PCDH15: variants seen among roughly 807,000 people sequenced by gnomAD.
The protein encoded by PCDH15 is protocadherin related 15, also known as protocadherin-15.
PCDH15 carries 129 observed loss-of-function variants against 178.5 expected under a neutral mutation model. The ratio of observed to expected loss-of-function variants is 0.72; its 90% confidence interval spans 0.63 to 0.84. The LOEUF is 0.84. Ranked by LOEUF, PCDH15 falls within the 40% of genes least tolerant of loss-of-function variation. PCDH15 has a pLI of 0.00. For synonymous variants in PCDH15, 800 were observed against 732.0 expected (o/e 1.09, Z -1.50); for missense variants, 2,230 against 2,099.9 (o/e 1.06, Z -1.21).
intron 2 of PCDH15, among the ~76,000 whole-genome samples, chr10:55,400,408 C>T (rs930551222): frequency 6.6e-6 from 1 of 152,114 alleles, no homozygotes; most frequent in East Asian, 1.9e-4. Flanking sequence ...GATTGTTTAT[C>T]ACACCACGTA....
At chr10:55,542,385 G>C (rs1481185612) in intron 2 of PCDH15, among the ~76,000 whole-genome samples, 1 of 150,520 alleles carries the variant, frequency 6.6e-6, no homozygotes, top group African/African-American at 2.4e-5. Context: ...TCTATATATA[G>C]TGTGTACATG....
At chr10:55,103,503 G>A (rs1842617363) in intron 2 of PCDH15, among the ~76,000 whole-genome samples, 1 of 152,000 alleles carries the variant, frequency 6.6e-6, no homozygotes, top group South Asian at 2.1e-4. Context: ...TTTCTTGATT[G>A]GTTTTGTTGT....
chr10:54,479,527 TATA>T (rs2078547602), intron 3 of PCDH15, among the ~76,000 whole-genome samples: 1 of 151,992 alleles, frequency 6.6e-6, no homozygotes, highest in Admixed American at 6.6e-5. Flanking sequence ...TTATCTCAAT[TATA>T]ATAACTTTTA....
intron 2 of PCDH15, among the ~76,000 whole-genome samples, chr10:55,514,965 A>G (rs1381106342): frequency 1.3e-5 from 2 of 149,520 alleles, no homozygotes; most frequent in East Asian, 2.0e-4. Flanking sequence ...GGCAAAATAT[A>G]TATAGATAGA....
chr10:54,548,652 A>AAT (rs1251254553), intron 2 of PCDH15, among the ~76,000 whole-genome samples: 8 of 147,314 alleles, frequency 5.4e-5, no homozygotes, highest in Non-Finnish European at 7.4e-5. Flanking sequence ...TACTTATATA[A>AAT]ATATATATAC....
At chr10:54,140,125 G>A (rs1441648752) in intron 14 of PCDH15, among the ~76,000 whole-genome samples, 1 of 152,062 alleles carries the variant, frequency 6.6e-6, no homozygotes, top group Non-Finnish European at 1.5e-5. Context: ...AATTAGCATT[G>A]TTCATAGTTA....
intron 18 of PCDH15, among the ~76,000 whole-genome samples, chr10:54,025,545 C>T (rs1369426866): frequency 6.6e-6 from 1 of 150,582 alleles, no homozygotes; most frequent in African/African-American, 2.4e-5. Context: ...GTTGCCCAGG[C>T]TGGAGTGCAG....
intron 2 of PCDH15, among the ~76,000 whole-genome samples, chr10:54,552,680 C>T (rs925010058): frequency 6.6e-6 from 1 of 151,980 alleles, no homozygotes; most frequent in Non-Finnish European, 1.5e-5. Context: ...GTGAAACATA[C>T]AAAAGAGTAT....
intron 2 of PCDH15, among the ~76,000 whole-genome samples, chr10:54,969,367 C>T (rs946608565): frequency 4.6e-5 from 7 of 152,150 alleles, no homozygotes; most frequent in Non-Finnish European, 1.0e-4. Flanking sequence ...TCTGAATACT[C>T]CAACCAATGT....
chr10:54,593,658 G>T (rs1396863994), intron 2 of PCDH15, among the ~76,000 whole-genome samples: 2 of 151,938 alleles, frequency 1.3e-5, no homozygotes, highest in Admixed American at 1.3e-4. Context: ...GCTATTTGGA[G>T]TTTATTGTGG....
At chr10:55,366,988 G>C (rs575201369) in intron 2 of PCDH15, among the ~76,000 whole-genome samples, 1 of 151,582 alleles carries the variant, frequency 6.6e-6, no homozygotes, top group Non-Finnish European at 1.5e-5. Context: ...GAGAGTTAGA[G>C]GTAGGGTGTT....
At chr10:55,188,770 A>G (rs1366225176) in intron 1 of PCDH15, among the ~76,000 whole-genome samples, 1 of 151,742 alleles carries the variant, frequency 6.6e-6, no homozygotes, top group East Asian at 1.9e-4. Flanking sequence ...TTTTACATAC[A>G]TGTGTATATA....
At chr10:54,086,238 T>C (rs1376921260) in intron 16 of PCDH15, among the ~76,000 whole-genome samples, 1 of 152,060 alleles carries the variant, frequency 6.6e-6, no homozygotes, top group Non-Finnish European at 1.5e-5. Flanking sequence ...AGAGATCACA[T>C]GGTGAGAAAG....
At chr10:54,120,750 C>G (rs550934522) in intron 15 of PCDH15, among the ~76,000 whole-genome samples, 1 of 152,248 alleles carries the variant, frequency 6.6e-6, no homozygotes, top group East Asian at 1.9e-4. Context: ...ATTTAACTAT[C>G]TAGAACATAA....
intron 2 of PCDH15, among the ~76,000 whole-genome samples, chr10:54,979,569 T>C (rs1839166991): frequency 1.3e-5 from 2 of 149,896 alleles, no homozygotes; most frequent in Non-Finnish European, 3.0e-5. Context: ...CTAGGGAGAC[T>C]GAGGCAGGAG....
chr10:54,046,486 A>G (rs529757486), intron 18 of PCDH15, among the ~76,000 whole-genome samples: 1 of 152,294 alleles, frequency 6.6e-6, no homozygotes, highest in Admixed American at 6.5e-5. Flanking sequence ...TGAATAGTAA[A>G]AAGTTAAATA....
chr10:54,510,711 A>G (rs2081573537), intron 3 of PCDH15, among the ~76,000 whole-genome samples: 1 of 152,212 alleles, frequency 6.6e-6, no homozygotes. Flanking sequence ...GAAGCTATAA[A>G]CAAGCTATGA....
At chr10:54,635,384 ATG>A (rs1223869420) in intron 2 of PCDH15, among the ~76,000 whole-genome samples, 1 of 110,292 alleles carries the variant, frequency 9.1e-6, no homozygotes, top group East Asian at 2.5e-4. Flanking sequence ...CATCTCATAT[ATG>A]TATATATATA....
chr10:54,305,953 T>G lies in PCDH15; in HGVS notation c.876+11318A>C, dbSNP rs181917877. Among the ~76,000 whole-genome samples, 240 of 151,880 alleles carry G rather than the reference T, an allele frequency of 1.6e-3. 1 individual carries two copies. The highest frequency in any genetic ancestry group is 3.5e-3 in the African/African-American group (144 of 41,464). On this transcript the variant is annotated intron_variant, in intron 8 of 37. Coordinates refer to ENST00000644397, the MANE Select transcript of PCDH15 (RefSeq NM_001384140.1). ...GTAGAAGCAGATGGGATGAGGCAAA[T>G]GAGACAAGATAGTGTAGGACCTTAC...
Sources: allele counts gnomAD v4.1 joint callset (sites outside exome capture counted in the v4.1 genomes callset), GRCh38; gene constraint gnomAD v4.1.1; transcripts MANE v1.5; gene names NCBI Gene and HGNC (gene_info 2026-07-23, HGNC 2026-07-21).